The following RGPD1 variants were observed in gnomAD, a reference collection of about 807,000 sequenced individuals.
The protein encoded by RGPD1 is RANBP2 like and GRIP domain containing 1.
Under a neutral mutation model 40.6 loss-of-function variants are expected in RGPD1, and 7 were observed. The observed-to-expected ratio is 0.17, with a 90% confidence interval of 0.10 to 0.32. The LOEUF (loss-of-function observed/expected upper bound fraction) is 0.32, where lower values mean the gene tolerates loss of function less well. RGPD1 is among the 10% of genes least tolerant of loss of function. The probability of loss-of-function intolerance (pLI) is 1.00; values close to 1 mark genes in which losing one functional copy is unlikely to be tolerated. For missense variants in RGPD1, 50 were observed against 472.5 expected (o/e 0.11, Z 8.29); for synonymous variants, 24 against 167.0 (o/e 0.14, Z 6.60).
intron 1 of RGPD1, among the ~76,000 whole-genome samples, chr2:86,930,075 G>A (rs1218506852): frequency 1.4e-5 from 2 of 142,604 alleles, no homozygotes; most frequent in East Asian, 4.3e-4. Flanking sequence ...CAGCCTCACC[G>A]GAGGCAGGAC....
intron 1 of RGPD1, among the ~76,000 whole-genome samples, chr2:86,931,961 A>G (rs1237330036): frequency 6.9e-6 from 1 of 144,552 alleles, no homozygotes; most frequent in Non-Finnish European, 1.5e-5. Flanking sequence ...TATTCATTAT[A>G]TATATATTTA....
Position 86,942,308 on chromosome 2 carries a change from G to C in RGPD1, c.72G>C (p.Lys24Asn). Reference sequence around the variant, plus strand: ...AGGGCTCCGCCCCGTCGCCTGGAAAGGTGAGTGGATCTCGAAGAGACCGAC... The same window carrying C: ...AGGGCTCCGCCCCGTCGCCTGGAAACGTGAGTGGATCTCGAAGAGACCGAC... ...SVQGSAPSPG[K>N]KLRGFYFAKL... is the part of the protein sequence containing the mutation. Residue 24 changes from lysine (K) to asparagine (N), a missense_variant and splice_region_variant, in exon 1 of 23, where the codon AAG becomes AAC. Physicochemically the swap from Lys to Asn is moderately conservative, Grantham distance 94 (BLOSUM62 0). Transcript: ENST00000641458. 3 of 1,579,600 alleles carry C rather than the reference G, an allele frequency of 1.9e-6. No individual in the cohort carries two copies. Among genetic ancestry groups the C allele is most frequent in the Non-Finnish European group, 2.6e-6 (3 of 1,164,480 alleles).
chr2:86,929,488 G>C (rs1678748189), intron 1 of RGPD1, among the ~76,000 whole-genome samples: 1 of 151,806 alleles, frequency 6.6e-6, no homozygotes, highest in African/African-American at 2.4e-5. Flanking sequence ...GCTAGCATTT[G>C]TTTAGCACTT....
At chr2:86,913,669 G>A (rs369922304), upstream of RGPD1, 94 of 1,272,020 alleles carry the variant, frequency 7.4e-5, 4 homozygotes, top group African/African-American at 9.4e-5. Flanking sequence ...GAGCCCGGCC[G>A]AGTGCAGCTG....
At chr2:86,970,972 A>AT in intron 8 of RGPD1, among the ~76,000 whole-genome samples, 1 of 36,302 alleles carries the variant, frequency 2.8e-5, no homozygotes, top group East Asian at 1.1e-3. Context: ...GAGGACTATG[A>AT]TTTTTTGATT....
intron 22 of RGPD1, among the ~76,000 whole-genome samples, chr2:87,007,545 T>C (rs1351779956): frequency 6.6e-6 from 1 of 150,510 alleles, no homozygotes; most frequent in Admixed American, 6.6e-5. Flanking sequence ...GCCTGGCTAA[T>C]TTTTTGTATT....
intron 1 of RGPD1, among the ~76,000 whole-genome samples, chr2:86,931,845 TA>T (rs1223010623): frequency 6.7e-6 from 1 of 148,868 alleles, no homozygotes; most frequent in African/African-American, 2.4e-5. Context: ...TGATACTCAA[TA>T]TTTTACATAT....
At chr2:86,943,768 T>C (rs1680107318) in intron 1 of RGPD1, among the ~76,000 whole-genome samples, 2 of 152,214 alleles carry the variant, frequency 1.3e-5, no homozygotes, top group Non-Finnish European at 2.9e-5. Flanking sequence ...CCCACCACTT[T>C]GGGAGGCCGA....
At chr2:86,930,549 A>G in intron 1 of RGPD1, 1 of 1,578,212 alleles carries the variant, frequency 6.3e-7, no homozygotes, top group East Asian at 2.3e-5. Context: ...ACAGCAGCTA[A>G]AGAGGATGAG....
At chr2:86,947,675 T>C (rs1290675356) in intron 1 of RGPD1, among the ~76,000 whole-genome samples, 1 of 138,620 alleles carries the variant, frequency 7.2e-6, no homozygotes, top group Non-Finnish European at 1.6e-5. Flanking sequence ...CTTATTCTCC[T>C]CTTTTGTTTG....
At chr2:87,011,179 C>T in intron 22 of RGPD1, 2 of 362,970 alleles carry the variant, frequency 5.5e-6, no homozygotes, top group South Asian at 4.9e-5. Flanking sequence ...CCTCCAGTCC[C>T]TCTGAGGGGT....
intron 4 of RGPD1, among the ~76,000 whole-genome samples, chr2:86,955,963 CTTT>C (rs1680699396): frequency 1.3e-5 from 2 of 149,768 alleles, no homozygotes; most frequent in African/African-American, 5.0e-5. Flanking sequence ...TTGAAGCACT[CTTT>C]AAAGATTTTC....
At chr2:86,925,154 A>T (rs1678387022) in intron 1 of RGPD1, among the ~76,000 whole-genome samples, 3 of 152,252 alleles carry the variant, frequency 2.0e-5, no homozygotes, top group Admixed American at 2.0e-4. Flanking sequence ...TGAAGTTCTT[A>T]CATGTTCTAG....
chr2:86,915,377 CCAAGT>C (rs1677747654), intron 1 of RGPD1, among the ~76,000 whole-genome samples: 1 of 148,080 alleles, frequency 6.8e-6, no homozygotes, highest in South Asian at 2.2e-4. Context: ...AAATGGTATT[CCAAGT>C]TGCTATAGAG....
upstream of RGPD1, among the ~76,000 whole-genome samples, chr2:86,941,005 T>A (rs1679700763): frequency 2.0e-5 from 3 of 151,452 alleles, no homozygotes; most frequent in South Asian, 6.3e-4. Flanking sequence ...CTGTTTTTCC[T>A]TTTTTAGAAA....
rs1211606662 is a variant in RGPD1, at chr2:86,962,544, T to G, written c.780-485T>G. Among the ~76,000 whole-genome samples, 19 of 117,168 alleles carry G rather than the reference T, an allele frequency of 1.6e-4. 2 individuals are homozygous for G. The highest frequency in any genetic ancestry group is 7.8e-5 in the Admixed American group (1 of 12,814). 76.9% of individuals were successfully genotyped at this position (117,168 alleles called of 152,430 possible). The stretch of plus-strand genomic sequence containing the variant: ...AAAAAAAAAAAAAAAGACAATTTAT[T>G]TAACGCTGTAATGATCTATATAGTA... On this transcript the variant is annotated intron_variant, in intron 6 of 22. Coordinates refer to ENST00000641458, the MANE Select transcript of RGPD1 (RefSeq NM_001382344.1).
At chr2:86,944,348 A>G (rs2104774711) in intron 1 of RGPD1, among the ~76,000 whole-genome samples, 2 of 152,272 alleles carry the variant, frequency 1.3e-5, no homozygotes, top group South Asian at 4.1e-4. Context: ...GATAGAGTCT[A>G]AAACAGACCT....
chr2:86,923,033 CTTTTTTTT>C (rs1196456916), intron 1 of RGPD1, among the ~76,000 whole-genome samples: 3 of 54,484 alleles, frequency 5.5e-5, no homozygotes, highest in African/African-American at 2.5e-4. Context: ...TGGTATATTC[CTTTTTTTT>C]TTTTTTTTTT....
chr2:86,937,406 TC>T (rs1253133672), upstream of RGPD1, among the ~76,000 whole-genome samples: 2 of 150,614 alleles, frequency 1.3e-5, no homozygotes, highest in African/African-American at 4.9e-5. Context: ...TAGTCAACCT[TC>T]CCTCCACATT....
Sources: allele counts gnomAD v4.1 joint callset (sites outside exome capture counted in the v4.1 genomes callset), GRCh38; gene constraint gnomAD v4.1.1; transcripts MANE v1.5; gene names NCBI Gene and HGNC (gene_info 2026-07-23, HGNC 2026-07-21).